Variants in ISG20 observed in about 807,000 individuals in gnomAD.
ISG20 encodes the protein interferon stimulated exonuclease gene 20.
ISG20 carries 8 observed loss-of-function variants against 11.1 expected under a neutral mutation model. The ratio of observed to expected loss-of-function variants is 0.72; its 90% CI spans 0.42 to 1.30. The LOEUF is 1.30. ISG20 is among the 50% of genes most tolerant of loss of function. The pLI is 0.01. For synonymous variants in ISG20, 110 were observed against 101.7 expected (o/e 1.08, Z -0.49); for missense variants, 243 against 250.2 (o/e 0.97, Z 0.19).
intron 2 of ISG20, chr15:88,651,347 C>T: frequency 2.1e-6 from 2 of 931,426 alleles, no homozygotes; most frequent in Non-Finnish European, 2.6e-6. Flanking sequence ...CACAGCAACA[C>T]AGATGTCTTC....
At chr15:88,637,811 C>T (rs1314501534), upstream of ISG20, among the ~76,000 whole-genome samples, 1 of 152,084 alleles carries the variant, frequency 6.6e-6, no homozygotes, top group Non-Finnish European at 1.5e-5. Context: ...TGCATGTTTC[C>T]ATAAAGTAAC....
chr15:88,637,044 A>C (rs990919204), upstream of ISG20, among the ~76,000 whole-genome samples: 1 of 152,130 alleles, frequency 6.6e-6, no homozygotes, highest in African/African-American at 2.4e-5. Flanking sequence ...TGGTAAGGGC[A>C]TGGGAGAGGG....
intron 2 of ISG20, among the ~76,000 whole-genome samples, chr15:88,646,687 C>A (rs2058179826): frequency 6.6e-6 from 1 of 152,228 alleles, no homozygotes; most frequent in South Asian, 2.1e-4. Flanking sequence ...AGAAGCCTAA[C>A]AGCCCTTTTA....
chr15:88,646,631 G>A (rs1357248210), intron 2 of ISG20, among the ~76,000 whole-genome samples: 1 of 152,220 alleles, frequency 6.6e-6, no homozygotes, highest in East Asian at 1.9e-4. Flanking sequence ...CCCAAAGACA[G>A]ATCAGGCTCA....
Position 88,655,449 on chromosome 15 carries a change from C to T in ISG20, c.464C>T (p.Ala155Val), listed in dbSNP as rs924299632. Residue 155 changes from alanine to valine, a missense_variant, in exon 4 of 4, where the codon GCG (alanine) becomes GTG (valine). Transcript: ENST00000306072. ...SLLGHSSVED[A>V]RATMELYQIS... The stretch of plus-strand genomic sequence containing the variant: ...CTTGGACACAGCTCGGTGGAAGATG[C>T]GAGGGCAACGATGGAGCTCTATCAA... The T allele has an allele frequency of 1.5e-5, 24 of 1,613,846 alleles. No homozygotes were observed. The highest frequency in any genetic ancestry group is 1.7e-5 in the Non-Finnish European group (20 of 1,179,978).
In ISG20 at chr15:88,639,131, G is replaced by A; in HGVS notation, c.-25+55G>A. The A allele has an allele frequency of 1.8e-6, 1 of 568,596 alleles. No homozygotes were observed. The highest frequency in any genetic ancestry group is 3.1e-6 in the Non-Finnish European group (1 of 320,550). 35.2% of individuals were successfully genotyped at this position (568,596 alleles called of 1,614,324 possible). A position where few individuals can be genotyped will look rare whatever the true frequency, so the allele number is the denominator to read the frequency against. On this transcript the variant is annotated intron_variant, in intron 1 of 3. Coordinates refer to ENST00000306072, the MANE Select transcript of ISG20 (RefSeq NM_002201.6). This position sits in a 1 kb window ranked among gnomAD's most constrained non-coding sequence, Gnocchi z 4.2. Reference sequence around the variant, plus strand: ...GGAGGCAGCGGGAGGGGCCTTCCCGGTCCCCAGGCTGCGGGGCAGGCCAGA... The same window carrying A: ...GGAGGCAGCGGGAGGGGCCTTCCCGATCCCCAGGCTGCGGGGCAGGCCAGA...
chr15:88,643,575 G>C lies in ISG20; in HGVS notation c.228+3981G>C, dbSNP rs2058117506. 6.6e-6 allele frequency among the ~76,000 whole-genome samples: 1 copy of C among 152,064 alleles called. No homozygotes were observed. Among genetic ancestry groups the C allele is most frequent in the Non-Finnish European group, 1.5e-5 (1 of 68,032 alleles). The stretch of plus-strand genomic sequence containing the variant: ...AAAAATTAGCCGGGTGTGGTGGTGG[G>C]TGCCTGTAATCCAAGCTACTCAGGA... On this transcript the variant is annotated intron_variant, in intron 2 of 3. Coordinates refer to ENST00000306072, the MANE Select transcript of ISG20 (RefSeq NM_002201.6). This position sits in a 1 kb window ranked among gnomAD's most constrained non-coding sequence, Gnocchi z 4.4.
chr15:88,641,386 T>G (rs958120265), intron 2 of ISG20, among the ~76,000 whole-genome samples: 1 of 152,080 alleles, frequency 6.6e-6, no homozygotes, highest in Non-Finnish European at 1.5e-5. Flanking sequence ...CACCACACAC[T>G]GGTGGCTTAA....
chr15:88,649,082 G>A (rs2058228116), intron 2 of ISG20: 1 of 152,196 alleles, frequency 6.6e-6, no homozygotes, highest in African/African-American at 2.4e-5. Flanking sequence ...GGCTGCTAAA[G>A]GGCCACTCAA....
upstream of ISG20, among the ~76,000 whole-genome samples, chr15:88,635,691 CTG>C (rs1317147564): frequency 6.6e-6 from 1 of 152,138 alleles, no homozygotes; most frequent in Non-Finnish European, 1.5e-5. Context: ...CACGTGTGGT[CTG>C]TAAGTAGGTA....
intron 2 of ISG20, among the ~76,000 whole-genome samples, chr15:88,640,437 T>G (rs1370958988): frequency 6.6e-6 from 1 of 152,130 alleles, no homozygotes; most frequent in Non-Finnish European, 1.5e-5. Context: ...GCTCATTCAC[T>G]CCTCACAAAC....
intron 3 of ISG20, among the ~76,000 whole-genome samples, chr15:88,653,268 G>A (rs1437480324): frequency 3.9e-5 from 6 of 152,176 alleles, no homozygotes; most frequent in Non-Finnish European, 8.8e-5. Context: ...GGGAAGGGCA[G>A]TGCCCTGGGA....
chr15:88,647,524 C>G (rs2058198961), intron 2 of ISG20: 2 of 152,260 alleles, frequency 1.3e-5, no homozygotes, highest in South Asian at 2.1e-4. Context: ...CTAAGAAACC[C>G]TGGTCTATAA....
In ISG20 at chr15:88,639,838, G is replaced by T. The variant is rs764007222; in HGVS notation, c.228+244G>T. Among the ~76,000 whole-genome samples the T allele has an allele frequency of 1.3e-5, 2 of 152,196 alleles. No homozygotes were observed. The highest frequency in any genetic ancestry group is 2.1e-4 in the South Asian group (1 of 4,832). Reference sequence around the variant, plus strand: ...CTATCTGGATCTGGTCCAACTTGCCGGTCTTAAAATGGGGAAACTGAGTTC... The same window carrying T: ...CTATCTGGATCTGGTCCAACTTGCCTGTCTTAAAATGGGGAAACTGAGTTC... On this transcript the variant is annotated intron_variant, in intron 2 of 3. Coordinates refer to ENST00000306072, the MANE Select transcript of ISG20 (RefSeq NM_002201.6). The surrounding 1 kb of genome is among the most constrained non-coding windows in gnomAD (Gnocchi z 4.2).
At chr15:88,644,978 G>T (rs2058146278) in intron 2 of ISG20, among the ~76,000 whole-genome samples, 1 of 152,246 alleles carries the variant, frequency 6.6e-6, no homozygotes, top group South Asian at 2.1e-4. Flanking sequence ...TCGGGGCCTG[G>T]ACGCCTCAGT....
At chr15:88,655,187 G>C (rs1240672626) in intron 3 of ISG20, among the ~76,000 whole-genome samples, 2 of 152,258 alleles carry the variant, frequency 1.3e-5, no homozygotes, top group African/African-American at 4.8e-5. Context: ...GGCACAGCCT[G>C]GTTCCCAGGA....
intron 3 of ISG20, 37 bp from the exon 4 acceptor site, chr15:88,655,378 C>T: frequency 6.3e-7 from 1 of 1,583,100 alleles, no homozygotes; most frequent in Non-Finnish European, 8.7e-7. Flanking sequence ...TGAATTCAGC[C>T]TCATCCCAAG....
upstream of ISG20, among the ~76,000 whole-genome samples, chr15:88,638,106 C>T (rs1288371140): frequency 1.3e-5 from 2 of 152,218 alleles, no homozygotes; most frequent in Non-Finnish European, 2.9e-5. Flanking sequence ...TTTCAAACCA[C>T]AGATCTTCAT....
chr15:88,637,727 C>T (rs1348575471), upstream of ISG20, among the ~76,000 whole-genome samples: 2 of 152,066 alleles, frequency 1.3e-5, no homozygotes, highest in Non-Finnish European at 2.9e-5. Flanking sequence ...AGGAGCACCA[C>T]GGGGCACTGG....
Sources: allele counts gnomAD v4.1 joint callset (sites outside exome capture counted in the v4.1 genomes callset), GRCh38; gene constraint gnomAD v4.1.1; non-coding constraint Gnocchi (gnomAD v3.1); transcripts MANE v1.5; gene names NCBI Gene and HGNC (gene_info 2026-07-23, HGNC 2026-07-21).